Variants in CNTN6 observed in about 807,000 individuals in gnomAD.
CNTN6 encodes the protein contactin 6.
A neutral mutation model predicts 122.8 loss-of-function variants in CNTN6; 137 were observed. The ratio of observed to expected loss-of-function variants is 1.12; its 90% CI spans 0.97 to 1.29. The LOEUF (loss-of-function observed/expected upper bound fraction) is 1.29. CNTN6 is among the 50% of genes most tolerant of loss of function. The probability of loss-of-function intolerance (pLI) is 0.00; values close to 1 mark genes in which losing one functional copy is unlikely to be tolerated. For missense variants in CNTN6, 1,634 were observed against 1,223.4 expected (o/e 1.34, Z -5.01); for synonymous variants, 570 against 426.0 (o/e 1.34, Z -4.16).
chr3:1,327,602 A>C lies in CNTN6; in HGVS notation c.1213+16A>C, dbSNP rs1701720654. Reference sequence around the variant, plus strand: ...AGAGTTTTAGGTAAGTCGTTTATTTACAACCAACAAATTCAAAATGACGTT... The same window carrying C: ...AGAGTTTTAGGTAAGTCGTTTATTTCCAACCAACAAATTCAAAATGACGTT... On this transcript the variant is annotated intron_variant, in intron 10 of 22. Transcript: ENST00000446702. The C allele has an allele frequency of 6.2e-7, 1 of 1,605,532 alleles. No homozygotes were observed. The highest frequency in any genetic ancestry group is 1.3e-5 in the African/African-American group (1 of 74,508).
intron 7 of CNTN6, among the ~76,000 whole-genome samples, chr3:1,300,505 A>G (rs544467451): frequency 1.4e-5 from 2 of 138,276 alleles, no homozygotes; most frequent in African/African-American, 6.4e-5. Context: ...AAAGAAAAGA[A>G]AGAGAAAGAA....
chr3:1,341,873 C>T (rs765552269), intron 11 of CNTN6, among the ~76,000 whole-genome samples: 5 of 152,014 alleles, frequency 3.3e-5, no homozygotes, highest in East Asian at 1.9e-4. Context: ...AAAGTAGAAA[C>T]GGGCACCAGT....
chr3:1,321,519 T>G (rs1437441360), intron 7 of CNTN6, 131 bp from the exon 8 acceptor site: 6 of 811,022 alleles, frequency 7.4e-6, no homozygotes, highest in Non-Finnish European at 1.2e-5. Context: ...TTGCATGATC[T>G]GAAAACTAGT....
intron 1 of CNTN6, among the ~76,000 whole-genome samples, chr3:1,122,505 C>G (rs548806802): frequency 1.0e-4 from 15 of 150,016 alleles, no homozygotes; most frequent in African/African-American, 3.6e-4. Context: ...GCATTTAATA[C>G]AGGCACGATG....
intron 1 of CNTN6, among the ~76,000 whole-genome samples, chr3:1,117,718 G>C (rs1026557058): frequency 5.3e-5 from 8 of 152,052 alleles, no homozygotes; most frequent in Non-Finnish European, 1.0e-4. Flanking sequence ...CAATGCATAG[G>C]GCAAACCAGA....
intron 16 of CNTN6, among the ~76,000 whole-genome samples, chr3:1,375,231 A>G (rs888989391): frequency 1.3e-5 from 2 of 152,058 alleles, no homozygotes; most frequent in Non-Finnish European, 2.9e-5. Flanking sequence ...CAGTTGATTT[A>G]TATTTTGGTA....
intron 1 of CNTN6, among the ~76,000 whole-genome samples, chr3:1,120,824 T>C (rs538755840): frequency 3.9e-5 from 6 of 152,018 alleles, no homozygotes; most frequent in Non-Finnish European, 5.9e-5. Context: ...CATACAGATA[T>C]CTTGTTTTTC....
chr3:1,252,963 A>G (rs1216164708), intron 4 of CNTN6, among the ~76,000 whole-genome samples: 2 of 152,184 alleles, frequency 1.3e-5, no homozygotes, highest in Admixed American at 1.3e-4. Context: ...TAGCATGAAC[A>G]ATGTCGGGAA....
chr3:1,121,074 A>G (rs1028158933), intron 1 of CNTN6, among the ~76,000 whole-genome samples: 1 of 152,078 alleles, frequency 6.6e-6, no homozygotes, highest in Admixed American at 6.6e-5. Context: ...TTAATAATAT[A>G]GAAAGTAAAT....
chr3:1,317,236 G>GT (rs61290953), intron 7 of CNTN6, among the ~76,000 whole-genome samples: 5,741 of 151,386 alleles, frequency 0.038, 363 homozygotes, highest in African/African-American at 0.13. Context: ...ATAATTTGTT[G>GT]TTTTTTCTTG....
At chr3:1,110,501 T>C (rs2125013750) in intron 1 of CNTN6, among the ~76,000 whole-genome samples, 2 of 152,214 alleles carry the variant, frequency 1.3e-5, no homozygotes, top group Middle Eastern at 6.8e-3. Context: ...AGGCACATAT[T>C]CTAACCTTTG....
intron 20 of CNTN6, among the ~76,000 whole-genome samples, chr3:1,392,162 A>C (rs1258990970): frequency 2.0e-5 from 3 of 152,274 alleles, no homozygotes; most frequent in African/African-American, 7.2e-5. Context: ...ACTATACTAC[A>C]AGGCTACAGT....
intron 20 of CNTN6, chr3:1,394,429 G>A (rs3796173): frequency 0.16 from 25,011 of 155,214 alleles, 2,427 homozygotes; most frequent in African/African-American, 0.27. Context: ...CAGGCCCAGC[G>A]CCAGGAGTAG....
intron 11 of CNTN6, among the ~76,000 whole-genome samples, chr3:1,337,909 T>C (rs180767261): frequency 6.6e-6 from 1 of 152,154 alleles, no homozygotes; most frequent in African/African-American, 2.4e-5. Context: ...TTCCCCTTTC[T>C]TTATCCCCAC....
rs774357911 is a variant in CNTN6 at position 1,383,391 on chromosome 3, A to G, written c.2500A>G (p.Arg834Gly). ...TATTGCCTGGAATAGAAACACTGGA[A>G]GAGTGCTGGGCTATGAGGTAATCCA... ...NAIAWNRNTG[R>G]VLGYEVLYWT... The change falls in exon 19 of 23, where the codon AGA (arginine) becomes GGA (glycine). Residue 834 changes from arginine to glycine, a missense_variant. Physicochemically the swap from Arg to Gly is moderately radical, Grantham distance 125. Transcript: ENST00000446702. The G allele has an allele frequency of 1.2e-6, 2 of 1,613,764 alleles. No homozygotes were observed. Among genetic ancestry groups the G allele is most frequent in the South Asian group, 2.2e-5 (2 of 91,072 alleles).
At chr3:1,242,543 A>T (rs1420481633) in intron 4 of CNTN6, among the ~76,000 whole-genome samples, 1 of 152,132 alleles carries the variant, frequency 6.6e-6, no homozygotes, top group Non-Finnish European at 1.5e-5. Flanking sequence ...GTGCTGTGGG[A>T]TGGGATATGG....
At chr3:1,161,545 A>G (rs1412967394) in intron 2 of CNTN6, among the ~76,000 whole-genome samples, 2 of 151,900 alleles carry the variant, frequency 1.3e-5, no homozygotes, top group Non-Finnish European at 2.9e-5. Flanking sequence ...ATACATATAT[A>G]TACATTTATA....
At chr3:1,171,020 T>C (rs2093349596) in intron 2 of CNTN6, among the ~76,000 whole-genome samples, 1 of 152,214 alleles carries the variant, frequency 6.6e-6, no homozygotes, top group Non-Finnish European at 1.5e-5. Context: ...GTGCCAATAG[T>C]TGCTTTAAGA....
intron 2 of CNTN6, among the ~76,000 whole-genome samples, chr3:1,152,749 TTGA>T (rs1440016196): frequency 3.3e-5 from 5 of 152,206 alleles, no homozygotes; most frequent in African/African-American, 1.2e-4. Context: ...TAATAAAGAC[TTGA>T]TGATAATAGG....
Sources: allele counts gnomAD v4.1 joint callset (sites outside exome capture counted in the v4.1 genomes callset), GRCh38; gene constraint gnomAD v4.1.1; transcripts MANE v1.5; gene names NCBI Gene and HGNC (gene_info 2026-07-23, HGNC 2026-07-21).